The following ADK variants were observed in gnomAD, a reference collection of about 807,000 sequenced individuals.
The protein encoded by ADK is N6,N6-dimethyladenosine kinase.
ADK carries 24 observed loss-of-function variants against 44.7 expected under a neutral mutation model. That is an observed-to-expected ratio of 0.54 (90% confidence interval 0.39 to 0.76). The LOEUF is 0.76. Ranked by LOEUF, ADK falls within the 30% of genes least tolerant of loss-of-function variation. ADK has a pLI of 0.00. For missense variants in ADK, 321 were observed against 425.1 expected (o/e 0.76, Z 2.15); for synonymous variants, 128 against 142.6 (o/e 0.90, Z 0.73).
intron 3 of ADK, among the ~76,000 whole-genome samples, chr10:74,290,100 A>ACACACT (rs1847352479): frequency 7.0e-6 from 1 of 142,636 alleles, no homozygotes; most frequent in Non-Finnish European, 1.6e-5. Context: ...ACACACACAC[A>ACACACT]CTCACACACA....
intron 6 of ADK, among the ~76,000 whole-genome samples, chr10:74,428,319 G>A (rs1342920223): frequency 6.6e-6 from 1 of 152,116 alleles, no homozygotes; most frequent in Non-Finnish European, 1.5e-5. Flanking sequence ...CTTCAGTCTG[G>A]GGCAGGGTAG....
intron 6 of ADK, among the ~76,000 whole-genome samples, chr10:74,412,190 C>CT (rs200365630): frequency 2.7e-5 from 4 of 149,786 alleles, no homozygotes; most frequent in East Asian, 1.9e-4. Flanking sequence ...CGTGAATGTT[C>CT]TTTTTTTTTT....
At chr10:74,290,349 G>A (rs1847363507) in intron 3 of ADK, among the ~76,000 whole-genome samples, 2 of 151,942 alleles carry the variant, frequency 1.3e-5, no homozygotes, top group South Asian at 4.1e-4. Flanking sequence ...AATTTCAGAT[G>A]TTTTTATATT....
At chr10:74,584,380 G>A (rs992674957) in intron 7 of ADK, among the ~76,000 whole-genome samples, 4 of 152,154 alleles carry the variant, frequency 2.6e-5, no homozygotes, top group Non-Finnish European at 4.4e-5. Context: ...CTGAGTGACT[G>A]GCTCAAGATT....
At chr10:74,617,635 A>G (rs1253903865) in intron 9 of ADK, among the ~76,000 whole-genome samples, 1 of 152,002 alleles carries the variant, frequency 6.6e-6, no homozygotes, top group Non-Finnish European at 1.5e-5. Flanking sequence ...TCGTCTTGTC[A>G]CCCAGGCTGG....
At chr10:74,566,024 A>G (rs1045564430) in intron 7 of ADK, among the ~76,000 whole-genome samples, 1 of 152,072 alleles carries the variant, frequency 6.6e-6, no homozygotes, top group Admixed American at 6.5e-5. Context: ...TTATTGTGGT[A>G]TTAATTCTAA....
rs1433728319 is a variant in ADK at position 74,151,290 on chromosome 10, T to G, written c.12T>G (p.Ala4=). The part of the protein sequence containing the change: MAA[A]EEEPKPKKLK... ...GTGGGAGCGCGAAGATGGCAGCTGC[T>G]GAGGAGGAGCCGAAGCCCAAAAAGC... is the stretch of plus-strand genomic sequence containing the variant. Residue 4 remains alanine (A), a synonymous_variant, in exon 1 of 11, where the codon GCT becomes GCG. Transcript: ENST00000539909. 2 of 1,549,384 alleles carry G rather than the reference T, an allele frequency of 1.3e-6. No homozygotes were observed. The highest frequency in any genetic ancestry group is 2.4e-5 in the South Asian group (2 of 83,962).
intron 4 of ADK, among the ~76,000 whole-genome samples, chr10:74,340,437 T>TTTCAG (rs1841546191): frequency 6.6e-6 from 1 of 152,162 alleles, no homozygotes; most frequent in Non-Finnish European, 1.5e-5. Context: ...AGGTTTCAGG[T>TTTCAG]GATATATCTT....
chr10:74,427,514 T>A (rs1844839992), intron 6 of ADK, among the ~76,000 whole-genome samples: 1 of 152,098 alleles, frequency 6.6e-6, no homozygotes, highest in South Asian at 2.1e-4. Context: ...TTTATTTTAA[T>A]GGTATGGGCA....
intron 3 of ADK, 48 bp from the exon 4 acceptor site, chr10:74,314,619 C>T: frequency 1.6e-6 from 2 of 1,271,766 alleles, no homozygotes; most frequent in Admixed American, 1.7e-5. Flanking sequence ...TACTTTGTTG[C>T]AACTCACAGA....
chr10:74,470,926 TTTAA>T (rs1417050814), intron 6 of ADK, among the ~76,000 whole-genome samples: 1 of 152,158 alleles, frequency 6.6e-6, no homozygotes, highest in Non-Finnish European at 1.5e-5. Flanking sequence ...AGGTTTTAAA[TTTAA>T]TTGTTTAATT....
At chr10:74,438,007 A>G (rs963937423) in intron 6 of ADK, among the ~76,000 whole-genome samples, 1 of 152,094 alleles carries the variant, frequency 6.6e-6, no homozygotes, top group Non-Finnish European at 1.5e-5. Flanking sequence ...TCAACATTCA[A>G]CTCAAATGCC....
At chr10:74,181,233 TG>T (rs1226878789) in intron 1 of ADK, among the ~76,000 whole-genome samples, 3 of 151,896 alleles carry the variant, frequency 2.0e-5, no homozygotes, top group Admixed American at 6.5e-5. Flanking sequence ...TCCTAAATAA[TG>T]ATTTTTTTTT....
At chr10:74,180,238 A>C (rs1408606495) in intron 1 of ADK, among the ~76,000 whole-genome samples, 2 of 146,894 alleles carry the variant, frequency 1.4e-5, no homozygotes, top group African/African-American at 2.5e-5. Flanking sequence ...TATTATTGTT[A>C]TTATTAATTA....
At chr10:74,343,665 A>G (rs1351475063) in intron 4 of ADK, among the ~76,000 whole-genome samples, 3 of 152,120 alleles carry the variant, frequency 2.0e-5, no homozygotes, top group Non-Finnish European at 4.4e-5. Context: ...TTAGCGTGCA[A>G]TGGCATGATC....
intron 6 of ADK, among the ~76,000 whole-genome samples, chr10:74,403,895 G>T (rs1430924264): frequency 1.3e-5 from 2 of 152,022 alleles, no homozygotes; most frequent in Non-Finnish European, 2.9e-5. Context: ...GTTTTGAGAT[G>T]GAGTCTTGCT....
chr10:74,635,225 A>C (rs970647187), intron 9 of ADK, among the ~76,000 whole-genome samples: 1 of 152,230 alleles, frequency 6.6e-6, no homozygotes, highest in Non-Finnish European at 1.5e-5. Flanking sequence ...AGATGAAGAG[A>C]AGATATTGAA....
intron 2 of ADK, 131 bp from the exon 3 acceptor site, chr10:74,224,407 G>T (rs979641565): frequency 1.2e-5 from 9 of 726,342 alleles, no homozygotes; most frequent in African/African-American, 1.2e-4. Flanking sequence ...GTCTACTTGG[G>T]CATTCTTGGT....
At chr10:74,216,379 C>T (rs1459692595) in intron 2 of ADK, among the ~76,000 whole-genome samples, 1 of 151,886 alleles carries the variant, frequency 6.6e-6, no homozygotes, top group African/African-American at 2.4e-5. Context: ...TTCTCCTTCT[C>T]TGCCTTCAAA....
Sources: gnomAD v4.1 joint callset for allele counts (sites outside exome capture counted in the v4.1 genomes callset) on GRCh38, gnomAD v4.1.1 for gene constraint, MANE v1.5 for transcripts, NCBI Gene and HGNC (gene_info 2026-07-23, HGNC 2026-07-21) for gene names.